PKD1: variants seen among roughly 807,000 people sequenced by gnomAD.
PKD1 encodes polycystin 1, transient receptor potential channel interacting.
Under a neutral mutation model 361.7 loss-of-function variants are expected in PKD1, and 81 were observed. That is an observed-to-expected ratio of 0.22 (90% CI 0.19 to 0.27). The LOEUF (loss-of-function observed/expected upper bound fraction) is 0.27, where lower values mean the gene tolerates loss of function less well. Ranked by LOEUF, PKD1 falls within the 10% of genes least tolerant of loss-of-function variation. The probability of loss-of-function intolerance (pLI) is 1.00; values close to 1 mark genes in which losing one functional copy is unlikely to be tolerated. For missense variants in PKD1, 6,399 were observed against 6,118.3 expected (o/e 1.05, Z -1.53); for synonymous variants, 3,615 against 2,818.3 (o/e 1.28, Z -8.95).
rs370861760 is a variant in PKD1 at position 2,110,146 on chromosome 16, G to A, written c.5021C>T (p.Pro1674Leu). 82 of 1,609,732 alleles carry A rather than the reference G, an allele frequency of 5.1e-5. No individual in the cohort carries two copies. Among genetic ancestry groups the A allele is most frequent in the African/African-American group, 2.3e-4 (17 of 74,864 alleles). The change falls in exon 15 of 46, where the codon CCG becomes CTG. Residue 1674 changes from proline to leucine, a missense_variant. Coordinates refer to ENST00000262304, the MANE Select transcript of PKD1 (RefSeq NM_001009944.3). ...YSWTAWRDRG[P>L]ALAGSGKGFS... is the part of the protein sequence containing the mutation. ...GCCTTTGCCGCTGCCGGCCAGGGCC[G>A]GGCCCCTGTCCCTCCAGGCAGTCCA...
chr16:2,090,429 C>T lies in PKD1; in HGVS notation c.12300G>A (p.Arg4100=). The T allele has an allele frequency of 1.2e-6, 2 of 1,612,560 alleles. No homozygotes were observed. Among genetic ancestry groups the T allele is most frequent in the Non-Finnish European group, 1.7e-6 (2 of 1,179,884 alleles). ...LWALRLWGAL[R]LGAVILRWRY... Reference sequence around the variant, plus strand: ...GCCAGCGGAGAATAACAGCCCCCAGCCGTAGGGCGCCCCACAGCCGCAGTG... The same window carrying T: ...GCCAGCGGAGAATAACAGCCCCCAGTCGTAGGGCGCCCCACAGCCGCAGTG... The change falls in exon 45 of 46, where the codon CGG becomes CGA. Residue 4100 remains arginine (R), a synonymous_variant. Coordinates refer to ENST00000262304, the MANE Select transcript of PKD1 (RefSeq NM_001009944.3).
intron 1 of PKD1, among the ~76,000 whole-genome samples, chr16:2,132,364 T>C (rs1447999868): frequency 6.6e-6 from 1 of 151,002 alleles, no homozygotes; most frequent in Non-Finnish European, 1.5e-5. Flanking sequence ...GGTCAGGAGA[T>C]CGAGACCATC....
At position 2,109,882 on chromosome 16, in the gene PKD1, G is replaced by A. The variant is rs758002285; in HGVS notation, c.5285C>T (p.Thr1762Ile). ...GCTATGGGTGGTAAATGGCTCGGAG[G>A]TCTCCCAGCTCAGCCCCTCCTCCAA... Reference protein sequence around the residue: ...WSLEEGLSWETSEPFTTHSFP... With the variant: ...WSLEEGLSWEISEPFTTHSFP... The change falls in exon 15 of 46, where the codon ACC becomes ATC. Residue 1762 changes from threonine (T) to isoleucine (I), a missense_variant. Transcript: ENST00000262304. The A allele has an allele frequency of 1.9e-5, 31 of 1,610,526 alleles. No individual in the cohort carries two copies. Among genetic ancestry groups the A allele is most frequent in the African/African-American group, 2.7e-5 (2 of 74,856 alleles).
rs745446394 is a variant in PKD1 at position 2,092,133 on chromosome 16, G to C, written c.11325C>G (p.Gly3775=). The change falls in exon 40 of 46, where the codon GGC becomes GGG. Residue 3775 remains glycine, a synonymous_variant. Transcript: ENST00000262304. The stretch of plus-strand genomic sequence containing the variant: ...CAACGTCGTAATCGCTGGTGCTGAA[G>C]CCTCCTGCGGCCGAGCACGTGTGGA... ...PRVHTCSAAG[G]FSTSDYDVGW... 1 of 1,612,686 alleles carries C rather than the reference G, an allele frequency of 6.2e-7. No individual in the cohort carries two copies. The highest frequency in any genetic ancestry group is 8.5e-7 in the Non-Finnish European group (1 of 1,179,898).
chr16:2,112,114 C>T (rs1244556003), intron 14 of PKD1, among the ~76,000 whole-genome samples: 1 of 152,224 alleles, frequency 6.6e-6, no homozygotes, highest in Non-Finnish European at 1.5e-5. Flanking sequence ...GCAGCAAGAG[C>T]CAGGCCCGGG....
chr16:2,106,367 C>T lies in PKD1; in HGVS notation c.7489+31G>A, dbSNP rs757966537. 22 of 1,596,166 alleles carry T rather than the reference C, an allele frequency of 1.4e-5. No individual in the cohort carries two copies. In the East Asian group the frequency reaches 1.6e-4, roughly 11 times the overall value. On this transcript the variant is annotated intron_variant, in intron 18 of 45. Transcript: ENST00000262304. The surrounding 1 kb of genome is among the most constrained non-coding windows in gnomAD (Gnocchi z 6.5). ...GTGACGTCACAGAGTCGGGGGATCCCGCTGCTCCCCCCACGCAGGCCTGCA... is the reference window on the plus strand; with the variant it reads ...GTGACGTCACAGAGTCGGGGGATCCTGCTGCTCCCCCCACGCAGGCCTGCA...
intron 41 of PKD1, 29 bp downstream of exon 41, chr16:2,091,752 C>T (rs2091594068): frequency 5.6e-6 from 9 of 1,608,212 alleles, no homozygotes; most frequent in East Asian, 4.5e-5. Context: ...TGCGGCCACC[C>T]CGGAGAGGGC....
intron 1 of PKD1, 151 bp downstream of exon 1, chr16:2,135,324 G>A (rs1036701013): frequency 1.8e-5 from 19 of 1,078,632 alleles, no homozygotes; most frequent in African/African-American, 6.7e-5. Context: ...GGCTCCAGGC[G>A]TTCCTTATTT....
At position 2,108,601 on chromosome 16, in the gene PKD1, A is replaced by G. The variant is rs767572238; in HGVS notation, c.6566T>C (p.Val2189Ala). 9 of 1,557,370 alleles carry G rather than the reference A, an allele frequency of 5.8e-6. No individual in the cohort carries two copies. The South Asian group carries it at 1.1e-4, about 18-fold the overall frequency. The change falls in exon 15 of 46, where the codon GTG becomes GCG. Residue 2189 changes from valine to alanine, a missense_variant. Physicochemically the swap from Val to Ala is moderately conservative, Grantham distance 64. Transcript: ENST00000262304. ...VTYQTEYRWEVYRTASCQRPG... is the reference protein window; with the variant it reads ...VTYQTEYRWEAYRTASCQRPG... ...CCGCTGGCAGCTGGCGGTGCGATAC[A>G]CCTCCCAGCGGTACTCAGTCTGGTA...
intron 1 of PKD1, chr16:2,123,592 C>T: frequency 2.2e-6 from 1 of 451,130 alleles, no homozygotes; most frequent in Admixed American, 2.4e-5. Flanking sequence ...TTCCTCTGCA[C>T]CCGCCAGGTG....
rs377662680 is a variant in PKD1, at chr16:2,110,103, G to A, written c.5064C>T (p.Leu1688=). ...GSGKGFSLTV[L]EAGTYHVQLR... ...GCTGCACATGGTAGGTGCCGGCCTC[G>A]AGCACGGTGAGCGAGAAGCCTTTGC... Residue 1688 remains leucine (L), a synonymous_variant, in exon 15 of 46, where the codon CTC becomes CTT. Coordinates refer to ENST00000262304, the MANE Select transcript of PKD1 (RefSeq NM_001009944.3). The A allele has an allele frequency of 1.4e-4, 225 of 1,609,348 alleles. No homozygotes were observed. Among genetic ancestry groups the A allele is most frequent in the Non-Finnish European group, 1.4e-4 (164 of 1,179,322 alleles).
chr16:2,114,580 A>T lies in PKD1; in HGVS notation c.2443T>A (p.Phe815Ile). 2.5e-6 allele frequency: 4 copies of T among 1,594,066 alleles called. No individual in the cohort carries two copies. The highest frequency in any genetic ancestry group is 3.4e-6 in the Non-Finnish European group (4 of 1,178,722). The stretch of plus-strand genomic sequence containing the variant: ...CCAGCCACTGGGGAGACCACGTCAA[A>T]GCTGCAGGAGAGGTTGTGCCTGGAC... ...GVSRHNLSCS[F>I]DVVSPVAGLR... Residue 815 changes from phenylalanine to isoleucine, a missense_variant, in exon 11 of 46, where the codon TTT (phenylalanine) becomes ATT (isoleucine). By Grantham distance (21) the Phe-to-Ile change is conservative. Coordinates refer to ENST00000262304, the MANE Select transcript of PKD1 (RefSeq NM_001009944.3).
Position 2,111,729 on chromosome 16 carries a change from G to C in PKD1, c.3438C>G (p.Phe1146Leu). 6.3e-7 allele frequency: 1 copy of C among 1,596,430 alleles called. No individual in the cohort carries two copies. Among genetic ancestry groups the C allele is most frequent in the Non-Finnish European group, 8.5e-7 (1 of 1,173,176 alleles). Residue 1146 changes from phenylalanine to leucine, a missense_variant, in exon 15 of 46, where the codon TTC becomes TTG. Coordinates refer to ENST00000262304, the MANE Select transcript of PKD1 (RefSeq NM_001009944.3). ...GVLVAGRPVT[F>L]YPHPLPSPGG... ...CAGGCGAGGGCAGCGGGTGCGGGTA[G>C]AAGGTGACGGGCCGGCCGGCCACCA...
rs1335991596 is a variant in PKD1 at position 2,090,523 on chromosome 16, G to A, written c.12206C>T (p.Thr4069Ile). ...AQALLVLCPGTGLSTLCPAES... is the reference protein window; with the variant it reads ...AQALLVLCPGIGLSTLCPAES... ...GGCAGGACACAGGGTAGAGAGCCCA[G>A]TCCCAGGGCACAGCACCAACAGGGC... The change falls in exon 45 of 46, where the codon ACT becomes ATT. Residue 4069 changes from threonine (T) to isoleucine (I), a missense_variant. Physicochemically the swap from Thr to Ile is moderately conservative, Grantham distance 89 (BLOSUM62 -1). Transcript: ENST00000262304. The A allele has an allele frequency of 6.2e-7, 1 of 1,610,848 alleles. No homozygotes were observed. Among genetic ancestry groups the A allele is most frequent in the Non-Finnish European group, 8.5e-7 (1 of 1,179,532 alleles).
In PKD1 at chr16:2,114,910, G is replaced by C; in HGVS notation, c.2113C>G (p.Gln705Glu). 6.5e-7 allele frequency: 1 copy of C among 1,530,262 alleles called. No individual in the cohort carries two copies. Among genetic ancestry groups the C allele is most frequent in the South Asian group, 1.2e-5 (1 of 83,974 alleles). The allele number at this position is 1,530,262 out of a possible 1,614,324, so 94.8% of individuals were successfully genotyped here. Residue 705 changes from glutamine (Q) to glutamate (E), a missense_variant, in exon 11 of 46, where the codon CAG becomes GAG. Physicochemically the swap from Gln to Glu is conservative, Grantham distance 29. Coordinates refer to ENST00000262304, the MANE Select transcript of PKD1 (RefSeq NM_001009944.3). ...PAQYSVTLHG[Q>E]DVLMLPGDLV... The stretch of plus-strand genomic sequence containing the variant: ...TCACCAGGGAGCATGAGGACATCCT[G>C]GCCGTGGAGGGTGACCTGTGGAGAG...
At chr16:2,131,095 A>G (rs1198395797) in intron 1 of PKD1, among the ~76,000 whole-genome samples, 1 of 152,230 alleles carries the variant, frequency 6.6e-6, no homozygotes, top group South Asian at 2.1e-4. Flanking sequence ...CACTCACAGC[A>G]CCACGGAGGT....
At chr16:2,099,308 C>G (rs1354233843) in intron 30 of PKD1, 1 of 379,374 alleles carries the variant, frequency 2.6e-6, no homozygotes, top group African/African-American at 2.1e-5. Flanking sequence ...TCTTCACTTC[C>G]TATAGATGTA....
rs545933164 is a variant in PKD1 at position 2,108,020 on chromosome 16, C to T, written c.6928G>A (p.Gly2310Arg). ...CVASTQREAG[G>R]CALNFGPRGS... is the part of the protein sequence containing the mutation. ...CGGGGCCCAAAGTTCAGCGCACACC[C>T]GCCAGCCTCCCTCTGCAGGCCGAGA... Residue 2310 changes from glycine to arginine, a missense_variant, in exon 16 of 46, where the codon GGG becomes AGG. Gly to Arg is a moderately radical substitution (Grantham distance 125). Transcript: ENST00000262304. 168 of 1,552,910 alleles carry T rather than the reference C, an allele frequency of 1.1e-4. 1 individual carries two copies. In the South Asian group the frequency reaches 1.7e-3, roughly 16 times the overall value.
intron 42 of PKD1, 64 bp downstream of exon 42, chr16:2,091,359 G>A (rs1286449074): frequency 2.2e-6 from 2 of 920,508 alleles, no homozygotes; most frequent in Non-Finnish European, 2.7e-6. Flanking sequence ...GCCGGGGCGG[G>A]GCCCCGCGAG....
Sources: allele counts gnomAD v4.1 joint callset (sites outside exome capture counted in the v4.1 genomes callset), GRCh38; gene constraint gnomAD v4.1.1; non-coding constraint Gnocchi (gnomAD v3.1); transcripts MANE v1.5; gene names NCBI Gene and HGNC (gene_info 2026-07-23, HGNC 2026-07-21).